The following GPSM1 variants were observed in gnomAD, a reference collection of about 807,000 sequenced individuals.
The protein encoded by GPSM1 is G protein-signaling modulator 1.
In GPSM1, 48 loss-of-function variants were observed where a neutral mutation model predicts 70.5. That is an observed-to-expected ratio of 0.68 (90% CI 0.54 to 0.87). The LOEUF (loss-of-function observed/expected upper bound fraction) is 0.87. Among genes scored for constraint, GPSM1 ranks in the 40% least tolerant of loss-of-function variants. The pLI is 0.00. For synonymous variants in GPSM1, 416 were observed against 430.1 expected (o/e 0.97, Z 0.41); for missense variants, 981 against 972.6 (o/e 1.01, Z -0.11).
rs536068010 is a variant in GPSM1, at chr9:136,349,754, G to A, written c.1446G>A (p.Val482=). Residue 482 remains valine, a synonymous_variant, in exon 11 of 14, where the codon GTG becomes GTA. Transcript: ENST00000440944. Reference sequence around the variant, plus strand: ...ACAGCGCCGACGTCCGGGTGCACGTGCCACGCACGGTAGGCGTCTTTGACG... The same window carrying A: ...ACAGCGCCGACGTCCGGGTGCACGTACCACGCACGGTAGGCGTCTTTGACG... ...PLDSADVRVH[V]PRTSIPRAPS... is the part of the protein sequence containing the mutation. 3.8e-6 allele frequency: 6 copies of A among 1,579,544 alleles called. No homozygotes were observed. Among genetic ancestry groups the A allele is most frequent in the Non-Finnish European group, 5.2e-6 (6 of 1,164,414 alleles).
Position 136,355,857 on chromosome 9 carries a change from C to G in GPSM1, c.1612+11C>G, listed in dbSNP as rs1017450734. 6.3e-7 allele frequency: 1 copy of G among 1,597,350 alleles called. No homozygotes were observed. Among genetic ancestry groups the G allele is most frequent in the Non-Finnish European group, 8.5e-7 (1 of 1,169,840 alleles). ...TGGAGGACAGGATCGGTGAGTGCCCCCCTCAGCCGGGCCCTCCCTTGGGCT... is the reference window on the plus strand; with the variant it reads ...TGGAGGACAGGATCGGTGAGTGCCCGCCTCAGCCGGGCCCTCCCTTGGGCT... On this transcript the variant is annotated intron_variant, in intron 12 of 13. Transcript: ENST00000440944.
chr9:136,356,679 T>A, intron 13 of GPSM1, 129 bp downstream of exon 13: 1 of 674,814 alleles, frequency 1.5e-6, no homozygotes, highest in Non-Finnish European at 2.5e-6. Context: ...GAGGGACTCC[T>A]GGGGGACTCA....
intron 2 of GPSM1, 21 bp downstream of exon 2, chr9:136,334,689 T>G: frequency 1.3e-6 from 2 of 1,591,850 alleles, no homozygotes; most frequent in Non-Finnish European, 1.7e-6. Flanking sequence ...ACGGTCCTGC[T>G]GGCGGGTGAG....
chr9:136,337,936 T>C lies in GPSM1; in HGVS notation c.793T>C (p.Phe265Leu). The change falls in exon 6 of 14, where the codon TTT (phenylalanine) becomes CTT (leucine). Residue 265 changes from phenylalanine to leucine, a missense_variant. By Grantham distance (22) the Phe-to-Leu change is conservative. Transcript: ENST00000440944. ...GAACGCCCACGTCTTCCTGGGGCGC[T>C]TTGACGTGGCCGCCGAGTACTACAA... is the stretch of plus-strand genomic sequence containing the variant. ...LGNAHVFLGR[F>L]DVAAEYYKKT... is the part of the protein sequence containing the mutation. The C allele has an allele frequency of 3.1e-6, 5 of 1,611,520 alleles. No homozygotes were observed. The highest frequency in any genetic ancestry group is 4.2e-6 in the Non-Finnish European group (5 of 1,179,004).
Position 136,337,951 on chromosome 9 carries a change from G to A in GPSM1, c.808G>A (p.Glu270Lys), listed in dbSNP as rs202113285. 9.3e-6 allele frequency: 15 copies of A among 1,605,022 alleles called. No individual in the cohort carries two copies. Among genetic ancestry groups the A allele is most frequent in the East Asian group, 4.5e-5 (2 of 44,828 alleles). Residue 270 changes from glutamate to lysine, a missense_variant, in exon 6 of 14, where the codon GAG (glutamate) becomes AAG (lysine). By Grantham distance (56) the Glu-to-Lys change is moderately conservative. Coordinates refer to ENST00000440944, the MANE Select transcript of GPSM1 (RefSeq NM_001145638.3). ...VFLGRFDVAA[E>K]YYKKTLQLSR... Reference sequence around the variant, plus strand: ...CCTGGGGCGCTTTGACGTGGCCGCCGAGTACTACAAGTAGGTGGTCCCCAC... The same window carrying A: ...CCTGGGGCGCTTTGACGTGGCCGCCAAGTACTACAAGTAGGTGGTCCCCAC...
Position 136,352,082 on chromosome 9 carries a change from A to C in GPSM1, c.1455+2319A>C, listed in dbSNP as rs113036566. 3.7e-4 allele frequency among the ~76,000 whole-genome samples: 55 copies of C among 148,932 alleles called. 1 individual carries two copies. The highest frequency in any genetic ancestry group is 1.4e-3 in the African/African-American group (54 of 39,980). ...TGCGCCGTTGCTGTTGGTGACACCA[A>C]TACTGCGCCGTTGCTGTTGGTGACA... On this transcript the variant is annotated intron_variant, in intron 11 of 13. Coordinates refer to ENST00000440944, the MANE Select transcript of GPSM1 (RefSeq NM_001145638.3).
In GPSM1 at chr9:136,341,696, G is replaced by A. The variant is rs1832396263; in HGVS notation, c.1207+703G>A. On this transcript the variant is annotated intron_variant, in intron 9 of 13. Coordinates refer to ENST00000440944, the MANE Select transcript of GPSM1 (RefSeq NM_001145638.3). This position sits in a 1 kb window ranked among gnomAD's most constrained non-coding sequence, Gnocchi z 6.7. ...CTTGAGTTTGCCAGCCCCCGAGAAG[G>A]GATGCCTGCCTCCCAGAACGTACCT... 7 of 992,560 alleles carry A rather than the reference G, an allele frequency of 7.1e-6. No homozygotes were observed. Among genetic ancestry groups the A allele is most frequent in the Non-Finnish European group, 8.4e-6 (7 of 833,710 alleles). The allele number at this position is 992,560 out of a possible 1,614,324, so 61.5% of individuals were successfully genotyped here. A position where few individuals can be genotyped will look rare whatever the true frequency, so the allele number is the denominator to read the frequency against.
At chr9:136,346,660 C>T (rs563658603) in intron 9 of GPSM1, among the ~76,000 whole-genome samples, 10 of 152,328 alleles carry the variant, frequency 6.6e-5, no homozygotes, top group Admixed American at 3.9e-4. Context: ...TGTTCTCATC[C>T]GCAGCATGGG....
chr9:136,340,936 C>A lies in GPSM1; in HGVS notation c.1150C>A (p.Arg384Ser), dbSNP rs782254318. Residue 384 changes from arginine (R) to serine (S), a missense_variant, in exon 9 of 14, where the codon CGC becomes AGC. Arg to Ser is a moderately radical substitution (Grantham distance 110). Coordinates refer to ENST00000440944, the MANE Select transcript of GPSM1 (RefSeq NM_001145638.3). The surrounding 1 kb of genome is among the most constrained non-coding windows in gnomAD (Gnocchi z 7.3). ...NVAQLQLVLG[R>S]LTSPAASEKP... ...GGCGCAGCTGCAGCTGGTGCTCGGC[C>A]GCCTGACCAGCCCGGCAGCCTCAGA... 1 of 1,566,912 alleles carries A rather than the reference C, an allele frequency of 6.4e-7. No individual in the cohort carries two copies. The highest frequency in any genetic ancestry group is 1.2e-5 in the South Asian group (1 of 85,248).
chr9:136,340,310 G>A lies in GPSM1; in HGVS notation c.1083+495G>A, dbSNP rs111720437. 2.3e-3 allele frequency among the ~76,000 whole-genome samples: 343 copies of A among 152,216 alleles called. 3 individuals carry two copies. Among genetic ancestry groups the A allele is most frequent in the African/African-American group, 7.5e-3 (310 of 41,530 alleles). On this transcript the variant is annotated intron_variant, in intron 8 of 13. Transcript: ENST00000440944. The surrounding 1 kb of genome is among the most constrained non-coding windows in gnomAD (Gnocchi z 7.3). ...TGCCCAGGTGAGGGTGGAGAGGGGCGGGCATGGGAAGGTCAGCAGAGCCCT... is the reference window on the plus strand; with the variant it reads ...TGCCCAGGTGAGGGTGGAGAGGGGCAGGCATGGGAAGGTCAGCAGAGCCCT...
At chr9:136,334,758 GGCCCTGCTGGCGCGGTGAGTGGGGACA>G in intron 2 of GPSM1, 90 bp downstream of exon 2, 3 of 1,040,060 alleles carry the variant, frequency 2.9e-6, no homozygotes, top group South Asian at 1.4e-5. Context: ...TGAGTGGGGC[GGCCCTGCTGGCGCGGTGAGTGGGGACA>G]GCCCTGCTGG....
intron 13 of GPSM1, among the ~76,000 whole-genome samples, chr9:136,357,194 C>T (rs544428347): frequency 3.3e-5 from 5 of 152,206 alleles, no homozygotes; most frequent in Admixed American, 1.3e-4. Context: ...CTGGGGGTCT[C>T]GCCATCCCTG....
At chr9:136,346,467 GC>G in intron 9 of GPSM1, among the ~76,000 whole-genome samples, 1 of 152,340 alleles carries the variant, frequency 6.6e-6, no homozygotes, top group East Asian at 1.9e-4. Context: ...GCTCCCCTCT[GC>G]CCCATAGGTA....
intron 1 of GPSM1, among the ~76,000 whole-genome samples, chr9:136,331,277 T>C (rs1354357092): frequency 6.6e-6 from 1 of 150,960 alleles, no homozygotes; most frequent in Non-Finnish European, 1.5e-5. Flanking sequence ...CCGTCAGACC[T>C]GGGGCCCTGT....
intron 12 of GPSM1, among the ~76,000 whole-genome samples, chr9:136,356,117 C>T (rs1209895644): frequency 6.6e-6 from 1 of 152,216 alleles, no homozygotes; most frequent in African/African-American, 2.4e-5. Context: ...CTCCTGTCTC[C>T]TCCTGTCACC....
chr9:136,329,012 T>G (rs1462788295), intron 1 of GPSM1, among the ~76,000 whole-genome samples: 2 of 150,622 alleles, frequency 1.3e-5, no homozygotes, highest in Non-Finnish European at 2.9e-5. Context: ...TGTGGAGCTG[T>G]GAGAGACGGG....
At chr9:136,344,463 G>A (rs1008243471) in intron 9 of GPSM1, among the ~76,000 whole-genome samples, 7 of 152,324 alleles carry the variant, frequency 4.6e-5, no homozygotes, top group Admixed American at 3.9e-4. Flanking sequence ...GCTGGCAGAC[G>A]GCGCTTTCTT....
intron 6 of GPSM1, among the ~76,000 whole-genome samples, chr9:136,338,311 G>A (rs1439686882): frequency 2.6e-5 from 4 of 152,216 alleles, no homozygotes; most frequent in Admixed American, 6.5e-5. Flanking sequence ...GGTCCTCCGG[G>A]GAGGAGTGGT....
chr9:136,331,824 C>A (rs1402047689), intron 1 of GPSM1, among the ~76,000 whole-genome samples: 1 of 152,136 alleles, frequency 6.6e-6, no homozygotes, highest in African/African-American at 2.4e-5. Flanking sequence ...ATCCCTTGAT[C>A]CACGTCAGGG....
Sources: allele counts gnomAD v4.1 joint callset (sites outside exome capture counted in the v4.1 genomes callset), GRCh38; gene constraint gnomAD v4.1.1; non-coding constraint Gnocchi (gnomAD v3.1); transcripts MANE v1.5; gene names NCBI Gene and HGNC (gene_info 2026-07-23, HGNC 2026-07-21).